Variants in ZBTB48 observed in about 807,000 individuals in gnomAD.
The protein encoded by ZBTB48 is zinc finger and BTB domain containing 48.
Under a neutral mutation model 64.5 loss-of-function variants are expected in ZBTB48, and 35 were observed. The ratio of observed to expected loss-of-function variants is 0.54; its 90% confidence interval spans 0.41 to 0.72. The LOEUF is 0.72. Ranked by LOEUF, ZBTB48 falls within the 30% of genes least tolerant of loss-of-function variation. ZBTB48 has a pLI of 0.00. For missense variants in ZBTB48, 828 were observed against 895.3 expected (o/e 0.92, Z 0.96); for synonymous variants, 442 against 356.7 (o/e 1.24, Z -2.70).
intron 3 of ZBTB48, among the ~76,000 whole-genome samples, chr1:6,583,365 A>G (rs1350187762): frequency 6.6e-6 from 1 of 151,880 alleles, no homozygotes; most frequent in African/African-American, 2.4e-5. Flanking sequence ...CAGTGGCATG[A>G]GATCGGCTCA....
At chr1:6,586,362 C>T in intron 4 of ZBTB48, 1 of 500,698 alleles carries the variant, frequency 2.0e-6, no homozygotes, top group South Asian at 2.7e-5. Context: ...CCCCAGCAAC[C>T]CCACTGCTGG....
At position 6,586,873 on chromosome 1, in the gene ZBTB48, A is replaced by G. The variant is rs564053642; in HGVS notation, c.1137+86A>G. The G allele has an allele frequency of 2.7e-5, 39 of 1,459,352 alleles. No individual in the cohort carries two copies. The African/African-American group carries it at 5.1e-4, about 19-fold the overall frequency. 90.4% of individuals were successfully genotyped at this position (1,459,352 alleles called of 1,614,324 possible). The stretch of plus-strand genomic sequence containing the variant: ...CCCTTTACGTGGGGTGCTGTCAGGC[A>G]CCTCCCTCACAGTAGCTGTCAGGGA... On this transcript the variant is annotated intron_variant, in intron 5 of 10. Coordinates refer to ENST00000377674, the MANE Select transcript of ZBTB48 (RefSeq NM_005341.4).
In ZBTB48 at chr1:6,588,913, C is replaced by T. The variant is rs551641258; in HGVS notation, c.1771-3C>T. On this transcript the variant is annotated splice_polypyrimidine_tract_variant and splice_region_variant and intron_variant, in intron 10 of 10. Transcript: ENST00000377674. ...AAAGTTCTGAGCTCACCCTCCCCGC[C>T]AGGCCCACCTGCGGAGGCACATGGA... 1.8e-4 allele frequency: 291 copies of T among 1,613,536 alleles called. 4 individuals are homozygous for T. In the South Asian group the frequency reaches 3.0e-3, roughly 17 times the overall value.
Position 6,580,832 on chromosome 1 carries a change from C to A in ZBTB48, c.223C>A (p.Leu75Ile). The change falls in exon 2 of 11, where the codon CTC becomes ATC. Residue 75 changes from leucine to isoleucine, a missense_variant. By Grantham distance (5) the Leu-to-Ile change is conservative. Transcript: ENST00000377674. This position sits in a 1 kb window ranked among gnomAD's most constrained non-coding sequence, Gnocchi z 5.2. ...TGCTGGCTTCGCTGAGATCTTTGGC[C>A]TCTTGTTGGACTTTTTCTACACTGG... ...LPAGFAEIFGLLLDFFYTGHL... is the reference protein window; with the variant it reads ...LPAGFAEIFGILLDFFYTGHL... The A allele has an allele frequency of 6.2e-7, 1 of 1,614,202 alleles. No homozygotes were observed. The highest frequency in any genetic ancestry group is 2.2e-5 in the East Asian group (1 of 44,882).
intron 7 of ZBTB48, among the ~76,000 whole-genome samples, chr1:6,587,838 C>T (rs1450355075): frequency 6.6e-6 from 1 of 152,182 alleles, no homozygotes; most frequent in Non-Finnish European, 1.5e-5. Context: ...GCAGATGTTT[C>T]AGGCTCAGAC....
In ZBTB48 at chr1:6,581,196, C is replaced by T; in HGVS notation, c.587C>T (p.Ala196Val). The T allele has an allele frequency of 1.2e-6, 2 of 1,613,374 alleles. No homozygotes were observed. The highest frequency in any genetic ancestry group is 8.5e-7 in the Non-Finnish European group (1 of 1,180,016). ...TCCCTCTGTGGGAAACTGAAGCAGG[C>T]CTTGAAGCCTTGTCCCCTTGAGGAC... is the stretch of plus-strand genomic sequence containing the variant. The part of the protein sequence containing the change: ...PSSLCGKLKQ[A>V]LKPCPLEDKK... Residue 196 changes from alanine (A) to valine (V), a missense_variant, in exon 2 of 11, where the codon GCC (alanine) becomes GTC (valine). By Grantham distance (64) the Ala-to-Val change is moderately conservative. Transcript: ENST00000377674.
chr1:6,588,011 G>A, intron 7 of ZBTB48, 49 bp from the exon 8 acceptor site: 3 of 1,609,382 alleles, frequency 1.9e-6, no homozygotes, highest in Non-Finnish European at 2.5e-6. Flanking sequence ...AGAGCAAGGG[G>A]GTCACTTCCC....
rs1316218048 is a variant in ZBTB48, at chr1:6,580,388, C to A, written c.-69-153C>A. 6.6e-6 allele frequency among the ~76,000 whole-genome samples: 1 copy of A among 152,238 alleles called. No individual in the cohort carries two copies. The highest frequency in any genetic ancestry group is 2.4e-5 in the African/African-American group (1 of 41,462). ...CCCTGGCCCCCCATCCAGCATCCCC[C>A]CTGGCCAATCCAATATGGCCCCCGG... On this transcript the variant is annotated intron_variant, in intron 1 of 10. Transcript: ENST00000377674. The surrounding 1 kb of genome is among the most constrained non-coding windows in gnomAD (Gnocchi z 5.2).
Position 6,580,399 on chromosome 1 carries a change from C to T in ZBTB48, c.-69-142C>T. The T allele has an allele frequency of 1.6e-6, 1 of 607,504 alleles. No individual in the cohort carries two copies. Among genetic ancestry groups the T allele is most frequent in the Non-Finnish European group, 2.9e-6 (1 of 347,164 alleles). The allele number at this position is 607,504 out of a possible 1,614,324, so 37.6% of individuals were successfully genotyped here. A position where few individuals can be genotyped will look rare whatever the true frequency, so the allele number is the denominator to read the frequency against. On this transcript the variant is annotated intron_variant, in intron 1 of 10. Coordinates refer to ENST00000377674, the MANE Select transcript of ZBTB48 (RefSeq NM_005341.4). This position sits in a 1 kb window ranked among gnomAD's most constrained non-coding sequence, Gnocchi z 5.2. ...CATCCAGCATCCCCCCTGGCCAATC[C>T]AATATGGCCCCCGGCCCCCGGGAGG...
chr1:6,588,171 CTG>C lies in ZBTB48; in HGVS notation c.1494_1495del (p.Cys498TrpfsTer29), dbSNP rs776241095. 1.2e-6 allele frequency: 2 copies of C among 1,614,156 alleles called. No homozygotes were observed. The highest frequency in any genetic ancestry group is 1.7e-6 in the Non-Finnish European group (2 of 1,180,044). On this transcript the variant is annotated frameshift_variant, in exon 8 of 11. Coordinates refer to ENST00000377674, the MANE Select transcript of ZBTB48 (RefSeq NM_005341.4). LOFTEE classifies it high-confidence loss of function. ...TGEKPFQCHL[C>X]GKTFRTQASL... The stretch of plus-strand genomic sequence containing the variant: ...GTGAGAAGCCCTTCCAGTGCCACCT[CTG>C]TGGCAAGACCTTCCGAACCCAAGGT...
chr1:6,580,470 C>T lies in ZBTB48; in HGVS notation c.-69-71C>T, dbSNP rs1640400394. 3.1e-5 allele frequency: 28 copies of T among 904,824 alleles called. 1 individual carries two copies. In the South Asian group the frequency reaches 4.7e-4, roughly 15 times the overall value. The allele number at this position is 904,824 out of a possible 1,614,324, so 56.0% of individuals were successfully genotyped here. A position where few individuals can be genotyped will look rare whatever the true frequency, so the allele number is the denominator to read the frequency against. Reference sequence around the variant, plus strand: ...TCCGCGTGCACCCCTCACCCTGACCCAAGCCCTCGTGCTGATAAATATGAT... The same window carrying T: ...TCCGCGTGCACCCCTCACCCTGACCTAAGCCCTCGTGCTGATAAATATGAT... On this transcript the variant is annotated intron_variant, in intron 1 of 10. Coordinates refer to ENST00000377674, the MANE Select transcript of ZBTB48 (RefSeq NM_005341.4). The surrounding 1 kb of genome is among the most constrained non-coding windows in gnomAD (Gnocchi z 5.2).
Position 6,589,166 on chromosome 1 carries a change from C to T in ZBTB48, c.2021C>T (p.Pro674Leu). 6.4e-7 allele frequency: 1 copy of T among 1,552,164 alleles called. No homozygotes were observed. Among genetic ancestry groups the T allele is most frequent in the Non-Finnish European group, 8.7e-7 (1 of 1,153,572 alleles). ...TTCACCGGCCCAGGTGTCCTGGAGC[C>T]CTCCCTCATCATCACAGCTGCTGTC... is the stretch of plus-strand genomic sequence containing the variant. ...ESFTGPGVLE[P>L]SLIITAAVPE... The change falls in exon 11 of 11, where the codon CCC becomes CTC. Residue 674 changes from proline (P) to leucine (L), a missense_variant. Transcript: ENST00000377674.
In ZBTB48 at chr1:6,585,939, C is replaced by T. The variant is rs750292577; in HGVS notation, c.953C>T (p.Pro318Leu). ...GGCAGGAAACATACTGGGGAGAAAC[C>T]CTTTGAGTGTCCCAAATGTGGGAAG... Reference protein sequence around the residue: ...VHNRKHTGEKPFECPKCGKCY... With the variant: ...VHNRKHTGEKLFECPKCGKCY... The change falls in exon 4 of 11, where the codon CCC becomes CTC. Residue 318 changes from proline (P) to leucine (L), a missense_variant. Physicochemically the swap from Pro to Leu is moderately conservative, Grantham distance 98 (BLOSUM62 -3). Coordinates refer to ENST00000377674, the MANE Select transcript of ZBTB48 (RefSeq NM_005341.4). 1 of 1,614,094 alleles carries T rather than the reference C, an allele frequency of 6.2e-7. No individual in the cohort carries two copies.
intron 9 of ZBTB48, 140 bp downstream of exon 9, chr1:6,588,582 A>G (rs1453411822): frequency 7.0e-7 from 1 of 1,437,834 alleles, no homozygotes; most frequent in Non-Finnish European, 9.2e-7. Flanking sequence ...CTTTGAAGGC[A>G]GGGGTGTCCT....
At position 6,584,514 on chromosome 1, in the gene ZBTB48, AG is replaced by A. The variant is rs1306326227; in HGVS notation, c.933-1404del. On this transcript the variant is annotated intron_variant, in intron 3 of 10. Coordinates refer to ENST00000377674, the MANE Select transcript of ZBTB48 (RefSeq NM_005341.4). The surrounding 1 kb of genome is among the most constrained non-coding windows in gnomAD (Gnocchi z 4.5). ...GCCATGCCAGGTTGGGCGGCACACTAGTAATCACCTAGAATGGGAGCCAGGG... is the reference window on the plus strand; with the variant it reads ...GCCATGCCAGGTTGGGCGGCACACTATAATCACCTAGAATGGGAGCCAGGG... Among the ~76,000 whole-genome samples the A allele has an allele frequency of 3.3e-4, 50 of 152,360 alleles. No individual in the cohort carries two copies. The highest frequency in any genetic ancestry group is 1.1e-3 in the African/African-American group (46 of 41,592).
intron 3 of ZBTB48, 111 bp downstream of exon 3, chr1:6,582,410 G>A: frequency 5.0e-6 from 7 of 1,392,258 alleles, no homozygotes; most frequent in Non-Finnish European, 6.9e-6. Context: ...ATCCATCTCA[G>A]ACCCACATAG....
Position 6,580,712 on chromosome 1 carries a change from C to T in ZBTB48, c.103C>T (p.Leu35=). 6.2e-7 allele frequency: 1 copy of T among 1,614,190 alleles called. No homozygotes were observed. The highest frequency in any genetic ancestry group is 8.5e-7 in the Non-Finnish European group (1 of 1,180,034). ...YCDATLDVGG[L]VFKAHWSVLA... Reference sequence around the variant, plus strand: ...CGACGCCACTCTGGACGTGGGGGGCCTGGTGTTTAAGGCACACTGGAGTGT... The same window carrying T: ...CGACGCCACTCTGGACGTGGGGGGCTTGGTGTTTAAGGCACACTGGAGTGT... The change falls in exon 2 of 11, where the codon CTG becomes TTG. Residue 35 remains leucine (L), a synonymous_variant. Transcript: ENST00000377674. The surrounding 1 kb of genome is among the most constrained non-coding windows in gnomAD (Gnocchi z 5.2).
chr1:6,588,972 G>A lies in ZBTB48; in HGVS notation c.1827G>A (p.Arg609=), dbSNP rs1246702295. The change falls in exon 11 of 11, where the codon CGG becomes CGA. Residue 609 remains arginine, a synonymous_variant. Coordinates refer to ENST00000377674, the MANE Select transcript of ZBTB48 (RefSeq NM_005341.4). ...IHDRVENYNP[R]QRKLRNLIIE... ...ACCGGGTAGAGAACTACAACCCGCGGCAGCGCAAGCTCCGCAACCTGATCA... is the reference window on the plus strand; with the variant it reads ...ACCGGGTAGAGAACTACAACCCGCGACAGCGCAAGCTCCGCAACCTGATCA... 19 of 1,602,406 alleles carry A rather than the reference G, an allele frequency of 1.2e-5. No individual in the cohort carries two copies. Among genetic ancestry groups the A allele is most frequent in the Non-Finnish European group, 1.6e-5 (19 of 1,173,042 alleles).
intron 2 of ZBTB48, among the ~76,000 whole-genome samples, chr1:6,581,841 G>A (rs539480127): frequency 1.1e-4 from 16 of 152,286 alleles, no homozygotes; most frequent in African/African-American, 3.9e-4. Context: ...TGTTTCCCCA[G>A]GGCAGTGTTT....
Sources: allele counts gnomAD v4.1 joint callset (sites outside exome capture counted in the v4.1 genomes callset), GRCh38; gene constraint gnomAD v4.1.1; non-coding constraint Gnocchi (gnomAD v3.1); transcripts MANE v1.5; gene names NCBI Gene and HGNC (gene_info 2026-07-23, HGNC 2026-07-21).